Variants in WDSUB1 observed in about 807,000 individuals in gnomAD.
WDSUB1 encodes the protein WD repeat, SAM and U-box domain-containing protein 1.
Under a neutral mutation model 53.9 loss-of-function variants are expected in WDSUB1, and 49 were observed. That is an observed-to-expected ratio of 0.91 (90% CI 0.72 to 1.15). WDSUB1 has a LOEUF of 1.15. Ranked by LOEUF, WDSUB1 falls within the 50% of genes most tolerant of loss-of-function variation. The pLI, the probability that WDSUB1 is intolerant of heterozygous loss-of-function variation, is 0.00. For missense variants in WDSUB1, 514 were observed against 562.0 expected (o/e 0.91, Z 0.86); for synonymous variants, 194 against 200.6 (o/e 0.97, Z 0.28).
chr2:159,252,068 C>G (rs544171625), intron 9 of WDSUB1, among the ~76,000 whole-genome samples: 28 of 152,294 alleles, frequency 1.8e-4, no homozygotes, highest in African/African-American at 6.0e-4. Flanking sequence ...CACCTCTCCC[C>G]TACCCTGACA....
At chr2:159,281,534 A>G (rs2061663177) in intron 2 of WDSUB1, among the ~76,000 whole-genome samples, 1 of 152,218 alleles carries the variant, frequency 6.6e-6, no homozygotes, top group Non-Finnish European at 1.5e-5. Flanking sequence ...AGAGTTTTTC[A>G]GGCGAGTTTT....
At chr2:159,266,431 G>A (rs57452732) in intron 5 of WDSUB1, among the ~76,000 whole-genome samples, 3,095 of 152,158 alleles carry the variant, frequency 0.02, 118 homozygotes, top group African/African-American at 0.071. Context: ...CTCATGATCC[G>A]CCCGCCTCGG....
At chr2:159,250,470 G>A (rs935721866) in intron 9 of WDSUB1, among the ~76,000 whole-genome samples, 1 of 152,154 alleles carries the variant, frequency 6.6e-6, no homozygotes, top group African/African-American at 2.4e-5. Context: ...GTACTCAAAA[G>A]TGCTTAGTTA....
chr2:159,246,034 G>A (rs2060787219), intron 10 of WDSUB1, among the ~76,000 whole-genome samples: 1 of 152,028 alleles, frequency 6.6e-6, no homozygotes, highest in Admixed American at 6.6e-5. Context: ...CATGAAATGG[G>A]GAAAAAACTT....
At chr2:159,284,419 A>G (rs2061743764) in intron 1 of WDSUB1, among the ~76,000 whole-genome samples, 1 of 152,216 alleles carries the variant, frequency 6.6e-6, no homozygotes, top group Non-Finnish European at 1.5e-5. Flanking sequence ...AAACTATCTT[A>G]GCTGTTCCCT....
chr2:159,273,197 T>C (rs2061476444), intron 4 of WDSUB1, among the ~76,000 whole-genome samples: 1 of 152,020 alleles, frequency 6.6e-6, no homozygotes. Context: ...AATGATAAAC[T>C]TCAAAAGGCT....
intron 4 of WDSUB1, 80 bp from the exon 5 acceptor site, chr2:159,271,875 T>C: frequency 8.6e-7 from 1 of 1,156,164 alleles, no homozygotes. Flanking sequence ...TTTCACTTAT[T>C]TATTTAACAA....
In WDSUB1 at chr2:159,256,218, A is replaced by G. The variant is rs762211830; in HGVS notation, c.1110T>C (p.Ser370=). The change falls in exon 9 of 11, where the codon AGT becomes AGC. Residue 370 remains serine (S), a synonymous_variant. Coordinates refer to ENST00000359774, the MANE Select transcript of WDSUB1 (RefSeq NM_001128212.3). The part of the protein sequence containing the change: ...GKELLNLTKE[S]LADDLKIESL... Reference sequence around the variant, plus strand: ...TACCAATTTTCAAATCATCAGCCAGACTTTCTTTTGTAAGATTCAACAGTT... The same window carrying G: ...TACCAATTTTCAAATCATCAGCCAGGCTTTCTTTTGTAAGATTCAACAGTT... 8 of 1,600,612 alleles carry G rather than the reference A, an allele frequency of 5.0e-6. No homozygotes were observed. Among genetic ancestry groups the G allele is most frequent in the Non-Finnish European group, 6.0e-6 (7 of 1,175,712 alleles).
At chr2:159,269,252 C>T (rs6716490) in intron 5 of WDSUB1, among the ~76,000 whole-genome samples, 5,671 of 149,262 alleles carry the variant, frequency 0.038, 170 homozygotes, top group South Asian at 0.072. Flanking sequence ...CTCACTGCAA[C>T]CTCCACCTCT....
rs373694392 is a variant in WDSUB1, at chr2:159,247,886, AATATATAT to A, written c.1273+478_1273+485del. On this transcript the variant is annotated intron_variant, in intron 10 of 10. Coordinates refer to ENST00000359774, the MANE Select transcript of WDSUB1 (RefSeq NM_001128212.3). ...GGAAGCTGTAGGCCAAAATTAAATAAATATATATATATATATATATATAAATATATATA... is the reference window on the plus strand; with the variant it reads ...GGAAGCTGTAGGCCAAAATTAAATAAATATATATATATATAAATATATATA... Among the ~76,000 whole-genome samples, 46 of 63,800 alleles carry A rather than the reference AATATATAT, an allele frequency of 7.2e-4. 5 individuals are homozygous for A. In the South Asian group the frequency reaches 7.5e-3, roughly 10 times the overall value. 41.9% of individuals were successfully genotyped at this position (63,800 alleles called of 152,430 possible).
intron 5 of WDSUB1, among the ~76,000 whole-genome samples, chr2:159,268,290 G>A (rs1327593127): frequency 6.6e-6 from 1 of 152,238 alleles, no homozygotes; most frequent in East Asian, 1.9e-4. Flanking sequence ...CCAACTGGCA[G>A]AGAGCTGGGC....
intron 10 of WDSUB1, among the ~76,000 whole-genome samples, chr2:159,244,653 A>C (rs1422516603): frequency 5.3e-5 from 8 of 152,234 alleles, no homozygotes; most frequent in African/African-American, 1.9e-4. Context: ...GGCCAGGCTC[A>C]GTGGCTCACA....
chr2:159,248,998 A>T (rs1553627138), intron 9 of WDSUB1, among the ~76,000 whole-genome samples: 1 of 152,142 alleles, frequency 6.6e-6, no homozygotes, highest in Non-Finnish European at 1.5e-5. Context: ...TCCTTAACAA[A>T]TCTCTGTTGT....
chr2:159,280,238 A>G (rs1399202544), intron 2 of WDSUB1, among the ~76,000 whole-genome samples: 3 of 152,246 alleles, frequency 2.0e-5, no homozygotes, highest in Non-Finnish European at 2.9e-5. Flanking sequence ...CCACAGGGCA[A>G]ATCAGTATAA....
rs765001991 is a variant in WDSUB1, at chr2:159,236,179, A to G, written c.1285T>C (p.Tyr429His). 10 of 1,599,610 alleles carry G rather than the reference A, an allele frequency of 6.3e-6. No individual in the cohort carries two copies. The highest frequency in any genetic ancestry group is 6.8e-6 in the Non-Finnish European group (8 of 1,175,742). Residue 429 changes from tyrosine to histidine, a missense_variant, in exon 11 of 11, where the codon TAT becomes CAT. Tyr to His is a moderately conservative substitution (Grantham distance 83). Transcript: ENST00000359774. ...DPVIASDGYS[Y>H]EKEAMENWIS... ...CAATTTTCCATTGCTTCCTTTTCATATGAATAGCCATCTAAAAAAAAAAAA... is the reference window on the plus strand; with the variant it reads ...CAATTTTCCATTGCTTCCTTTTCATGTGAATAGCCATCTAAAAAAAAAAAA...
At chr2:159,253,511 A>T (rs2060996232) in intron 9 of WDSUB1, among the ~76,000 whole-genome samples, 1 of 152,224 alleles carries the variant, frequency 6.6e-6, no homozygotes, top group Non-Finnish European at 1.5e-5. Context: ...TCAATTCCTT[A>T]AAAATAATTT....
intron 9 of WDSUB1, among the ~76,000 whole-genome samples, chr2:159,249,920 A>G (rs1007749097): frequency 4.0e-5 from 6 of 150,266 alleles, no homozygotes; most frequent in South Asian, 2.1e-4. Flanking sequence ...ACAAAAAAAA[A>G]AAAGAAAGAA....
At chr2:159,284,444 C>G (rs533557335) in intron 1 of WDSUB1, among the ~76,000 whole-genome samples, 26 of 152,172 alleles carry the variant, frequency 1.7e-4, no homozygotes, top group African/African-American at 6.0e-4. Context: ...AGGATGGAGC[C>G]AAGGCTATCT....
intron 10 of WDSUB1, among the ~76,000 whole-genome samples, chr2:159,240,409 C>T (rs1325116327): frequency 6.6e-6 from 1 of 152,168 alleles, no homozygotes; most frequent in Admixed American, 6.5e-5. Context: ...TAATAACTTT[C>T]TGAAGAGCTT....
Sources: gnomAD v4.1 joint callset for allele counts (sites outside exome capture counted in the v4.1 genomes callset) on GRCh38, gnomAD v4.1.1 for gene constraint, MANE v1.5 for transcripts, NCBI Gene and HGNC (gene_info 2026-07-23, HGNC 2026-07-21) for gene names.